The following ARHGAP15 variants were observed in gnomAD, a reference collection of about 807,000 sequenced individuals.
ARHGAP15 encodes rho GTPase-activating protein 15.
Under a neutral mutation model 63.7 loss-of-function variants are expected in ARHGAP15, and 51 were observed. The ratio of observed to expected loss-of-function variants is 0.80; its 90% CI spans 0.64 to 1.01. The LOEUF is 1.01. ARHGAP15 is among the 50% of genes least tolerant of loss of function. ARHGAP15 has a pLI of 0.00. For missense variants in ARHGAP15, 560 were observed against 564.6 expected (o/e 0.99, Z 0.08); for synonymous variants, 191 against 193.8 (o/e 0.99, Z 0.12).
intron 12 of ARHGAP15, among the ~76,000 whole-genome samples, chr2:143,683,434 G>A (rs1574835623): frequency 6.7e-6 from 1 of 149,892 alleles, no homozygotes. Flanking sequence ...TTCTGCTTTT[G>A]AAAAAAAAAC....
At chr2:143,154,196 T>A (rs949809867) in intron 1 of ARHGAP15, among the ~76,000 whole-genome samples, 2 of 151,580 alleles carry the variant, frequency 1.3e-5, no homozygotes, top group African/African-American at 4.8e-5. Flanking sequence ...TTTATAGGAG[T>A]TTTTTGAGAA....
At chr2:143,164,201 T>G (rs1381240302) in intron 2 of ARHGAP15, among the ~76,000 whole-genome samples, 12 of 152,058 alleles carry the variant, frequency 7.9e-5, no homozygotes, top group African/African-American at 2.4e-5. Flanking sequence ...TAGGAAGCAT[T>G]AAAGTATTTT....
In ARHGAP15 at chr2:143,642,169, A is replaced by C. The variant is rs73961820; in HGVS notation, c.1138+17902A>C. Among the ~76,000 whole-genome samples the C allele has an allele frequency of 5.0e-3, 757 of 152,266 alleles. 3 individuals are homozygous for C. The highest frequency in any genetic ancestry group is 0.018 in the African/African-American group (728 of 41,566). ...AAAAGAATGAAAGGATTTACTTCAAAATATTAGCAGGGAATGATTATACAG... is the reference window on the plus strand; with the variant it reads ...AAAAGAATGAAAGGATTTACTTCAACATATTAGCAGGGAATGATTATACAG... On this transcript the variant is annotated intron_variant, in intron 12 of 13. Coordinates refer to ENST00000295095, the MANE Select transcript of ARHGAP15 (RefSeq NM_018460.4).
intron 12 of ARHGAP15, among the ~76,000 whole-genome samples, chr2:143,665,032 A>G (rs1351585442): frequency 3.3e-5 from 5 of 152,090 alleles, no homozygotes; most frequent in Non-Finnish European, 7.4e-5. Flanking sequence ...ATTCCAATCA[A>G]TAGAAAAAGA....
At chr2:143,367,532 A>G (rs1384923635) in intron 6 of ARHGAP15, among the ~76,000 whole-genome samples, 1 of 151,864 alleles carries the variant, frequency 6.6e-6, no homozygotes, top group Non-Finnish European at 1.5e-5. Flanking sequence ...TTTTATTTCC[A>G]GTATATTTAT....
At chr2:143,504,589 A>G (rs1693218620) in intron 9 of ARHGAP15, among the ~76,000 whole-genome samples, 1 of 152,160 alleles carries the variant, frequency 6.6e-6, no homozygotes, top group Non-Finnish European at 1.5e-5. Context: ...CAAATGTCCC[A>G]AGTCATGGCT....
At chr2:143,607,829 C>T (rs1168045136) in intron 11 of ARHGAP15, 1 of 152,162 alleles carries the variant, frequency 6.6e-6, no homozygotes, top group Non-Finnish European at 1.5e-5. Flanking sequence ...TTCTCCACCC[C>T]ACTGAAGGGC....
chr2:143,303,668 A>G (rs1683025290), intron 6 of ARHGAP15, among the ~76,000 whole-genome samples: 1 of 152,206 alleles, frequency 6.6e-6, no homozygotes, highest in Non-Finnish European at 1.5e-5. Flanking sequence ...ATCAGAGTGA[A>G]CAGGAAACCT....
intron 12 of ARHGAP15, among the ~76,000 whole-genome samples, chr2:143,667,533 A>C (rs1010280073): frequency 3.3e-5 from 5 of 151,240 alleles, no homozygotes; most frequent in Admixed American, 6.6e-5. Context: ...AACTAACCTG[A>C]ACAATGTGCA....
chr2:143,480,437 G>A (rs543160724), intron 8 of ARHGAP15, among the ~76,000 whole-genome samples: 93 of 152,320 alleles, frequency 6.1e-4, no homozygotes, highest in African/African-American at 2.2e-3. Context: ...TGGAATAGAT[G>A]ATGAGTACAC....
intron 11 of ARHGAP15, among the ~76,000 whole-genome samples, chr2:143,611,866 C>T (rs1698268327): frequency 6.6e-6 from 1 of 152,202 alleles, no homozygotes; most frequent in African/African-American, 2.4e-5. Flanking sequence ...TTCATTCCCC[C>T]TTTACCACCC....
At chr2:143,606,035 C>CAAT (rs1697999443) in intron 11 of ARHGAP15, among the ~76,000 whole-genome samples, 1 of 22,862 alleles carries the variant, frequency 4.4e-5, no homozygotes, top group East Asian at 2.3e-3. Flanking sequence ...GACTCTGTCT[C>CAAT]AAAAAAAAAA....
intron 10 of ARHGAP15, among the ~76,000 whole-genome samples, chr2:143,526,925 A>C (rs1256784883): frequency 6.6e-6 from 1 of 152,148 alleles, no homozygotes. Context: ...CTGTTTTATG[A>C]AATAATTTGT....
intron 10 of ARHGAP15, among the ~76,000 whole-genome samples, chr2:143,540,620 T>A (rs1379899856): frequency 6.6e-6 from 1 of 152,180 alleles, no homozygotes; most frequent in African/African-American, 2.4e-5. Flanking sequence ...GTATTTTATT[T>A]CTCCTTCCCT....
intron 10 of ARHGAP15, among the ~76,000 whole-genome samples, chr2:143,539,811 A>G (rs561357674): frequency 1.7e-4 from 26 of 152,044 alleles, no homozygotes; most frequent in African/African-American, 5.3e-4. Context: ...TATGTGGTCA[A>G]TTTTGGAATA....
chr2:143,293,272 G>A (rs1320253833), intron 6 of ARHGAP15, among the ~76,000 whole-genome samples: 1 of 152,014 alleles, frequency 6.6e-6, no homozygotes, highest in East Asian at 1.9e-4. Flanking sequence ...TGCTCTAGAG[G>A]AGAGGAAGTC....
intron 13 of ARHGAP15, among the ~76,000 whole-genome samples, chr2:143,737,191 A>G (rs1178400151): frequency 6.6e-6 from 1 of 152,202 alleles, no homozygotes; most frequent in Non-Finnish European, 1.5e-5. Flanking sequence ...TACGGAGGAG[A>G]TAGAGAGCTG....
intron 11 of ARHGAP15, among the ~76,000 whole-genome samples, chr2:143,601,021 G>T (rs1315660702): frequency 1.3e-5 from 2 of 152,122 alleles, no homozygotes; most frequent in Non-Finnish European, 2.9e-5. Flanking sequence ...ACAGGCCATG[G>T]TTTGCTAATC....
chr2:143,477,277 C>T (rs1234809253), intron 8 of ARHGAP15, among the ~76,000 whole-genome samples: 3 of 151,880 alleles, frequency 2.0e-5, no homozygotes, highest in Non-Finnish European at 4.4e-5. Context: ...ATAGTGAATG[C>T]TCAGTAAATG....
Sources: gnomAD v4.1 joint callset for allele counts (sites outside exome capture counted in the v4.1 genomes callset) on GRCh38, gnomAD v4.1.1 for gene constraint, MANE v1.5 for transcripts, NCBI Gene and HGNC (gene_info 2026-07-23, HGNC 2026-07-21) for gene names.